R3HDM1: variants seen among roughly 807,000 people sequenced by gnomAD.
R3HDM1 encodes R3H domain containing 1.
R3HDM1 carries 46 observed loss-of-function variants against 141.1 expected under a neutral mutation model. The ratio of observed to expected loss-of-function variants is 0.33; its 90% CI spans 0.26 to 0.42. The LOEUF is 0.42. R3HDM1 is among the 10% of genes least tolerant of loss of function. The pLI is 1.00. For missense variants in R3HDM1, 1,184 were observed against 1,368.3 expected, an observed-to-expected ratio of 0.87 and a Z score of 2.12; for synonymous variants, 435 against 472.9, an observed-to-expected ratio of 0.92 and a Z score of 1.04.
At chr2:135,709,350 G>A in intron 21 of R3HDM1, 83 bp from the exon 22 acceptor site, 2 of 1,557,874 alleles carry the variant, frequency 1.3e-6, no homozygotes, top group South Asian at 2.3e-5. Context: ...TGGGATTACA[G>A]GCGTGAGCAC....
intron 21 of R3HDM1, among the ~76,000 whole-genome samples, chr2:135,687,245 G>A (rs1173253064): frequency 6.6e-6 from 1 of 152,144 alleles, no homozygotes; most frequent in Non-Finnish European, 1.5e-5. Flanking sequence ...AGAGTAGAAT[G>A]GTCATTGCCA....
chr2:135,703,282 T>C (rs2074478802), intron 21 of R3HDM1, among the ~76,000 whole-genome samples: 1 of 152,198 alleles, frequency 6.6e-6, no homozygotes, highest in Admixed American at 6.5e-5. Flanking sequence ...AAATGGGAAA[T>C]AATCCTCTTT....
intron 23 of R3HDM1, among the ~76,000 whole-genome samples, chr2:135,712,895 T>C (rs1430047406): frequency 6.6e-6 from 1 of 151,690 alleles, no homozygotes; most frequent in Non-Finnish European, 1.5e-5. Flanking sequence ...CACTCCAGCC[T>C]GGGCAACAGA....
chr2:135,719,376 G>A (rs2076482930), intron 24 of R3HDM1, among the ~76,000 whole-genome samples: 1 of 151,330 alleles, frequency 6.6e-6, no homozygotes, highest in Admixed American at 6.6e-5. Context: ...TACTTAGGAA[G>A]CTGAGGCAAG....
rs548104245 is a variant in R3HDM1 at position 135,670,157 on chromosome 2, A to C, written c.2153-5175A>C. ...CAGTCTCAAAAAAAAAAAAAAAAAA[A>C]ACCAACAAAAAAGATTAGCTTGTGG... On this transcript the variant is annotated intron_variant, in intron 19 of 26. Coordinates refer to ENST00000683871, the MANE Select transcript of R3HDM1 (RefSeq NM_001378107.1). 2,487 of 322,728 alleles carry C rather than the reference A, an allele frequency of 7.7e-3. 75 individuals carry two copies. Among genetic ancestry groups the C allele is most frequent in the African/African-American group, 0.053 (2,263 of 42,682 alleles). 20.0% of individuals were successfully genotyped at this position (322,728 alleles called of 1,614,324 possible).
intron 1 of R3HDM1, among the ~76,000 whole-genome samples, chr2:135,575,684 A>C (rs755038969): frequency 2.6e-5 from 4 of 152,224 alleles, no homozygotes; most frequent in African/African-American, 4.8e-5. Context: ...CTCCACTTAC[A>C]ATAGCAACAA....
chr2:135,587,605 A>G (rs574625331), intron 1 of R3HDM1, among the ~76,000 whole-genome samples: 111 of 152,212 alleles, frequency 7.3e-4, no homozygotes, highest in African/African-American at 2.5e-3. Flanking sequence ...ATGCCAAGAG[A>G]ATTTCATTAT....
At chr2:135,549,305 A>G (rs1375965015) in intron 1 of R3HDM1, among the ~76,000 whole-genome samples, 1 of 152,004 alleles carries the variant, frequency 6.6e-6, no homozygotes, top group East Asian at 1.9e-4. Context: ...CTATAATCCC[A>G]GCACTTTGGG....
Position 135,604,791 on chromosome 2 carries a change from T to C in R3HDM1, c.-40-15T>C, listed in dbSNP as rs1169386604. 3 of 1,553,336 alleles carry C rather than the reference T, an allele frequency of 1.9e-6. No individual in the cohort carries two copies. Among genetic ancestry groups the C allele is most frequent in the East Asian group, 2.3e-5 (1 of 43,830 alleles). Reference sequence around the variant, plus strand: ...GTAAAAAAGTTTCAAACTGTATTAATTTTTTTTTCTTAAGGCTTCAAGCTC... The same window carrying C: ...GTAAAAAAGTTTCAAACTGTATTAACTTTTTTTTCTTAAGGCTTCAAGCTC... On this transcript the variant is annotated splice_polypyrimidine_tract_variant and intron_variant, in intron 2 of 26. Coordinates refer to ENST00000683871, the MANE Select transcript of R3HDM1 (RefSeq NM_001378107.1).
chr2:135,580,025 G>A (rs1706434642), intron 1 of R3HDM1, among the ~76,000 whole-genome samples: 1 of 152,102 alleles, frequency 6.6e-6, no homozygotes, highest in African/African-American at 2.4e-5. Flanking sequence ...TTGAGAGGCC[G>A]AGACAGGCGG....
intron 1 of R3HDM1, among the ~76,000 whole-genome samples, chr2:135,578,224 G>C (rs1180670304): frequency 6.6e-6 from 1 of 152,198 alleles, no homozygotes; most frequent in Non-Finnish European, 1.5e-5. Flanking sequence ...TGAACTACTT[G>C]CAGTGCAATT....
At chr2:135,543,081 A>G (rs971656358) in intron 1 of R3HDM1, 39 of 983,894 alleles carry the variant, frequency 4.0e-5, no homozygotes, top group Non-Finnish European at 4.6e-5. Flanking sequence ...GGAGATCAAA[A>G]GTAAAAGACC....
intron 18 of R3HDM1, 147 bp from the exon 19 acceptor site, chr2:135,661,123 T>C (rs571370501): frequency 2.9e-6 from 3 of 1,049,752 alleles, no homozygotes; most frequent in Non-Finnish European, 4.0e-6. Flanking sequence ...GAATTTTTTT[T>C]AAATTTCAGT....
At chr2:135,613,557 C>G (rs2060742539) in intron 3 of R3HDM1, among the ~76,000 whole-genome samples, 2 of 152,286 alleles carry the variant, frequency 1.3e-5, no homozygotes, top group South Asian at 4.1e-4. Context: ...TAGTTCACAC[C>G]TGTAATTCCA....
intron 18 of R3HDM1, among the ~76,000 whole-genome samples, chr2:135,659,984 C>G (rs188586388): frequency 2.8e-4 from 42 of 152,074 alleles, no homozygotes; most frequent in African/African-American, 9.6e-4. Flanking sequence ...TATCATTGAC[C>G]AAAATGTCAC....
chr2:135,652,032 G>A lies in R3HDM1; in HGVS notation c.2028G>A (p.Gln676=), dbSNP rs2065202430. The A allele has an allele frequency of 6.4e-7, 1 of 1,557,066 alleles. No homozygotes were observed. Among genetic ancestry groups the A allele is most frequent in the Non-Finnish European group, 8.7e-7 (1 of 1,148,270 alleles). ...GATATATTCAGCAGCCATCACCACAGGTATATTGCTTTTTAACCTTTTCTT... is the reference window on the plus strand; with the variant it reads ...GATATATTCAGCAGCCATCACCACAAGTATATTGCTTTTTAACCTTTTCTT... ...QQGYIQQPSP[Q]MPACYCAPGH... is the part of the protein sequence containing the mutation. Residue 676 remains glutamine, a splice_region_variant and synonymous_variant, in exon 18 of 27, where the codon CAG becomes CAA. Transcript: ENST00000683871.
intron 1 of R3HDM1, among the ~76,000 whole-genome samples, chr2:135,582,503 G>C (rs757356516): frequency 6.6e-6 from 1 of 152,094 alleles, no homozygotes; most frequent in East Asian, 1.9e-4. Flanking sequence ...TGCCTTGGTC[G>C]TTTTGTGTCC....
chr2:135,554,455 A>G (rs1192329941), intron 1 of R3HDM1, among the ~76,000 whole-genome samples: 2 of 152,212 alleles, frequency 1.3e-5, no homozygotes, highest in African/African-American at 4.8e-5. Flanking sequence ...TATTGTGAGC[A>G]TCACTCTGTA....
chr2:135,577,118 AC>A, intron 1 of R3HDM1: 1 of 965,222 alleles, frequency 1.0e-6, no homozygotes. Context: ...ATATAAGAAA[AC>A]CCATGTTTTC....
Sources: allele counts gnomAD v4.1 joint callset (sites outside exome capture counted in the v4.1 genomes callset), GRCh38; gene constraint gnomAD v4.1.1; transcripts MANE v1.5; gene names NCBI Gene and HGNC (gene_info 2026-07-23, HGNC 2026-07-21).